The following TRPC5 variants were observed in gnomAD, a reference collection of about 807,000 sequenced individuals.
TRPC5 encodes short transient receptor potential channel 5.
Under a neutral mutation model 56.5 loss-of-function variants are expected in TRPC5, and 9 were observed. The observed-to-expected ratio is 0.16, with a 90% CI of 0.10 to 0.28. The LOEUF is 0.28. TRPC5 is among the 10% of genes least tolerant of loss of function. The probability of loss-of-function intolerance (pLI) is 1.00; values close to 1 mark genes in which losing one functional copy is unlikely to be tolerated. For missense variants in TRPC5, 469 were observed against 748.9 expected (o/e 0.63, Z 4.36); for synonymous variants, 282 against 278.5 (o/e 1.01, Z -0.13).
At chrX:111,918,078 G>A (rs912971488) in intron 2 of TRPC5, among the ~76,000 whole-genome samples, 17 of 111,421 alleles carry the variant, frequency 1.5e-4, no homozygotes, top group African/African-American at 5.6e-4. Flanking sequence ...GTAGACAAGG[G>A]AAAGAGGGGG....
intron 2 of TRPC5, among the ~76,000 whole-genome samples, chrX:111,951,350 G>T (rs991963137): frequency 3.6e-5 from 4 of 111,917 alleles, no homozygotes; most frequent in Non-Finnish European, 5.6e-5. Flanking sequence ...GAGCCAGACT[G>T]GTGAAAGACG....
chrX:111,952,415 G>T lies in TRPC5; in HGVS notation c.6C>A (p.Ala2=). ...AGTTGACCTTTTTGTAGTACAGTTG[G>T]GCCATGGTTCATAGCAATGCAGAAA... M[A]QLYYKKVNYS... is the part of the protein sequence containing the mutation. The change falls in exon 2 of 11, where the codon GCC becomes GCA. Residue 2 remains alanine, a synonymous_variant. Coordinates refer to ENST00000262839, the MANE Select transcript of TRPC5 (RefSeq NM_012471.3). 2.5e-6 allele frequency: 3 copies of T among 1,200,438 alleles called. No individual in the cohort carries two copies. The highest frequency in any genetic ancestry group is 3.4e-6 in the Non-Finnish European group (3 of 890,028).
Position 111,847,386 on chromosome X carries a change from C to T in TRPC5, c.1428G>A (p.Leu476=). ...REEWEMWHPT[L]IAEALFAISN... is the part of the protein sequence containing the mutation. ...ATATTGCGAAGAGTGCTTCCGCAAT[C>T]AGAGTCGGGTGCCACATTTCCCATT... Residue 476 remains leucine (L), a synonymous_variant, in exon 6 of 11, where the codon CTG becomes CTA. Coordinates refer to ENST00000262839, the MANE Select transcript of TRPC5 (RefSeq NM_012471.3). 1 of 1,211,310 alleles carries T rather than the reference C, an allele frequency of 8.3e-7. No individual in the cohort carries two copies. Among genetic ancestry groups the T allele is most frequent in the African/African-American group, 1.7e-5 (1 of 57,763 alleles).
intron 1 of TRPC5, among the ~76,000 whole-genome samples, chrX:111,976,446 A>C (rs1298006537): frequency 9.0e-6 from 1 of 110,996 alleles, no homozygotes; most frequent in Non-Finnish European, 1.9e-5. Flanking sequence ...TGAATAAATA[A>C]ATAATAAAAT....
rs1227762438 is a variant in TRPC5, at chrX:111,913,777, G to A, written c.379-965C>T. Among the ~76,000 whole-genome samples, 4 of 110,802 alleles carry A rather than the reference G, an allele frequency of 3.6e-5. 1 individual carries two copies. The highest frequency in any genetic ancestry group is 7.7e-4 in the South Asian group (2 of 2,581). Reference sequence around the variant, plus strand: ...AGATAGAGACCATCCTGGCTAACACGGTGAAACCCCGTCTCTACTAAAAAT... The same window carrying A: ...AGATAGAGACCATCCTGGCTAACACAGTGAAACCCCGTCTCTACTAAAAAT... On this transcript the variant is annotated intron_variant, in intron 2 of 10. Transcript: ENST00000262839.
At chrX:111,801,712 A>G (rs765892414) in intron 7 of TRPC5, among the ~76,000 whole-genome samples, 34 of 112,115 alleles carry the variant, frequency 3.0e-4, no homozygotes, top group East Asian at 5.6e-4. Context: ...GTCATTTCAT[A>G]TCCTTTGCCC....
At chrX:111,862,517 C>A (rs1215655735) in intron 3 of TRPC5, among the ~76,000 whole-genome samples, 3 of 112,090 alleles carry the variant, frequency 2.7e-5, no homozygotes, top group African/African-American at 9.7e-5. Context: ...TCTAAGAAAT[C>A]ATTGCCCAAT....
intron 1 of TRPC5, among the ~76,000 whole-genome samples, chrX:112,003,075 CAGAG>C (rs747310746): frequency 5.4e-5 from 6 of 111,244 alleles, no homozygotes; most frequent in Non-Finnish European, 1.1e-4. Context: ...ATTCATTTCT[CAGAG>C]AGAGAGTGAG....
chrX:111,768,238 A>G lies in TRPC5; in HGVS notation c.*8075T>C, dbSNP rs3027779. Among the ~76,000 whole-genome samples the G allele has an allele frequency of 7.3e-4, 82 of 112,058 alleles. No homozygotes were observed. Among genetic ancestry groups the G allele is most frequent in the Non-Finnish European group, 4.5e-4 (24 of 53,118 alleles). ...ACATTTGGAATTTTCCCTTTTCATGATTATGCTCAAGATGTATCATTTTAA... is the reference window on the plus strand; with the variant it reads ...ACATTTGGAATTTTCCCTTTTCATGGTTATGCTCAAGATGTATCATTTTAA... On this transcript the variant is annotated 3_prime_UTR_variant, in exon 11 of 11. Coordinates refer to ENST00000262839, the MANE Select transcript of TRPC5 (RefSeq NM_012471.3).
intron 3 of TRPC5, among the ~76,000 whole-genome samples, chrX:111,894,941 A>G (rs1034013503): frequency 2.7e-5 from 3 of 110,262 alleles, no homozygotes; most frequent in African/African-American, 3.3e-5. Context: ...CTGTTCTTGG[A>G]TTTCATGTAA....
chrX:111,963,474 T>C (rs771901815), intron 1 of TRPC5, among the ~76,000 whole-genome samples: 95 of 111,163 alleles, frequency 8.5e-4, no homozygotes, highest in African/African-American at 3.0e-3. Flanking sequence ...TTGAAGAGAG[T>C]AGTGGTTCTC....
intron 2 of TRPC5, among the ~76,000 whole-genome samples, chrX:111,921,001 T>C (rs1423477197): frequency 1.8e-5 from 2 of 112,297 alleles, no homozygotes; most frequent in East Asian, 2.8e-4. Flanking sequence ...TTTAAAACTC[T>C]ATAAATTGTA....
intron 1 of TRPC5, among the ~76,000 whole-genome samples, chrX:111,989,088 T>A (rs1049901051): frequency 8.9e-6 from 1 of 111,837 alleles, no homozygotes; most frequent in African/African-American, 3.2e-5. Flanking sequence ...ATCCTGACGA[T>A]GTACCTGGAT....
chrX:111,960,090 G>C (rs892164453), intron 1 of TRPC5, among the ~76,000 whole-genome samples: 1 of 111,950 alleles, frequency 8.9e-6, no homozygotes, highest in Middle Eastern at 4.6e-3. Context: ...GCACTCAATA[G>C]CTACATGTGG....
intron 2 of TRPC5, among the ~76,000 whole-genome samples, chrX:111,915,828 A>G (rs989144954): frequency 9.0e-6 from 1 of 111,295 alleles, no homozygotes; most frequent in Non-Finnish European, 1.9e-5. Context: ...CTCTTGGGCC[A>G]GGCGTGGTGG....
chrX:111,963,452 T>C (rs975014824), intron 1 of TRPC5, among the ~76,000 whole-genome samples: 1 of 112,224 alleles, frequency 8.9e-6, no homozygotes, highest in Admixed American at 9.4e-5. Context: ...TAAATGTCCC[T>C]GTCTGACAGC....
At chrX:111,884,205 C>T (rs1000094580) in intron 3 of TRPC5, among the ~76,000 whole-genome samples, 4 of 112,493 alleles carry the variant, frequency 3.6e-5, no homozygotes, top group Admixed American at 9.4e-5. Flanking sequence ...AGCTAACTGA[C>T]TTGGTTAAGG....
At chrX:112,032,992 T>C (rs2147720339) in intron 1 of TRPC5, among the ~76,000 whole-genome samples, 1 of 109,736 alleles carries the variant, frequency 9.1e-6, no homozygotes, top group East Asian at 2.9e-4. Flanking sequence ...AATGATAGAC[T>C]GGATTAAGAA....
chrX:111,952,382 C>A lies in TRPC5; in HGVS notation c.39G>T (p.Pro13=), dbSNP rs150908311. Reference sequence around the variant, plus strand: ...TTTGCAGGGGGATGCGGTCTCTGTACGGTGAGTAGTTGACCTTTTTGTAGT... The same window carrying A: ...TTTGCAGGGGGATGCGGTCTCTGTAAGGTGAGTAGTTGACCTTTTTGTAGT... ...QLYYKKVNYS[P]YRDRIPLQIV... The change falls in exon 2 of 11, where the codon CCG becomes CCT. Residue 13 remains proline (P), a synonymous_variant. Coordinates refer to ENST00000262839, the MANE Select transcript of TRPC5 (RefSeq NM_012471.3). 883 of 1,208,132 alleles carry A rather than the reference C, an allele frequency of 7.3e-4. 8 individuals carry two copies. The South Asian group carries it at 0.015, about 20-fold the overall frequency.
Sources: gnomAD v4.1 joint callset for allele counts (sites outside exome capture counted in the v4.1 genomes callset) on GRCh38, gnomAD v4.1.1 for gene constraint, MANE v1.5 for transcripts, NCBI Gene and HGNC (gene_info 2026-07-23, HGNC 2026-07-21) for gene names.